SOX5: variants seen among roughly 807,000 people sequenced by gnomAD.
SOX5 encodes transcription factor SOX-5.
Under a neutral mutation model 92.0 loss-of-function variants are expected in SOX5, and 9 were observed. The ratio of observed to expected loss-of-function variants is 0.10; its 90% CI spans 0.06 to 0.17. The LOEUF is 0.17. Among genes scored for constraint, SOX5 ranks in the 10% least tolerant of loss-of-function variants. SOX5 has a pLI of 1.00. For synonymous variants in SOX5, 344 were observed against 336.3 expected (o/e 1.02, Z -0.25); for missense variants, 642 against 944.5 (o/e 0.68, Z 4.20).
At chr12:24,285,811 G>A (rs1462947712) in intron 2 of SOX5, among the ~76,000 whole-genome samples, 1 of 151,954 alleles carries the variant, frequency 6.6e-6, no homozygotes, top group Non-Finnish European at 1.5e-5. Context: ...AAAAATTATG[G>A]GATGATGAAT....
rs2090130057 is a variant in SOX5 at position 23,698,086 on chromosome 12, G to A, written c.811-32522C>T. ...CAGTACAACTGTTAAACTTATCACA[G>A]TCTACTGCAAATGATGTTATAACTT... On this transcript the variant is annotated intron_variant, in intron 6 of 14. Coordinates refer to ENST00000451604, the MANE Select transcript of SOX5 (RefSeq NM_006940.6). 1.3e-5 allele frequency among the ~76,000 whole-genome samples: 2 copies of A among 152,050 alleles called. 1 individual carries two copies. Among genetic ancestry groups the A allele is most frequent in the African/African-American group, 4.8e-5 (2 of 41,380 alleles).
rs190455585 is a variant in SOX5 at position 23,604,245 on chromosome 12, C to T, written c.1164+142G>A. 1.4e-5 allele frequency: 10 copies of T among 717,880 alleles called. No individual in the cohort carries two copies. In the Admixed American group the frequency reaches 1.8e-4, roughly 13 times the overall value. The allele number at this position is 717,880 out of a possible 1,614,324, so 44.5% of individuals were successfully genotyped here. On this transcript the variant is annotated intron_variant, in intron 9 of 14. Coordinates refer to ENST00000451604, the MANE Select transcript of SOX5 (RefSeq NM_006940.6). Reference sequence around the variant, plus strand: ...ATGTATGCAGATAAGTTGACATGCACACCTGTTGCCCTTACTTGATTCTTA... The same window carrying T: ...ATGTATGCAGATAAGTTGACATGCATACCTGTTGCCCTTACTTGATTCTTA...
chr12:23,539,085 G>A (rs1941327467), intron 13 of SOX5, among the ~76,000 whole-genome samples: 1 of 151,924 alleles, frequency 6.6e-6, no homozygotes, highest in Non-Finnish European at 1.5e-5. Flanking sequence ...GATTACAGGT[G>A]TGAGCCACCA....
At chr12:23,716,294 A>G (rs953272150) in intron 6 of SOX5, among the ~76,000 whole-genome samples, 2 of 152,174 alleles carry the variant, frequency 1.3e-5, no homozygotes, top group African/African-American at 4.8e-5. Flanking sequence ...AGGAAAAGAA[A>G]AAAAGAGAAC....
At chr12:24,377,038 G>A (rs1596068450) in intron 1 of SOX5, among the ~76,000 whole-genome samples, 2 of 151,984 alleles carry the variant, frequency 1.3e-5, no homozygotes, top group African/African-American at 4.8e-5. Flanking sequence ...TGCCCTAAAC[G>A]TCTATCTTTG....
chr12:24,189,848 G>A (rs1460473458), intron 4 of SOX5, among the ~76,000 whole-genome samples: 3 of 152,118 alleles, frequency 2.0e-5, no homozygotes, highest in Non-Finnish European at 4.4e-5. Flanking sequence ...CAAATATGAG[G>A]ACATATTGAG....
chr12:23,599,422 C>T (rs1331335144), intron 9 of SOX5, among the ~76,000 whole-genome samples: 6 of 152,186 alleles, frequency 3.9e-5, no homozygotes, highest in Admixed American at 2.0e-4. Flanking sequence ...AAAATTGATT[C>T]GGACAATCTG....
chr12:24,000,227 G>A (rs912744321), intron 4 of SOX5, among the ~76,000 whole-genome samples: 6 of 151,440 alleles, frequency 4.0e-5, no homozygotes, highest in South Asian at 2.1e-4. Flanking sequence ...TGGTAACTTC[G>A]ATCCGCAGAA....
intron 3 of SOX5, among the ~76,000 whole-genome samples, chr12:23,844,215 G>A (rs1407744104): frequency 1.3e-5 from 2 of 152,278 alleles, no homozygotes; most frequent in South Asian, 2.1e-4. Flanking sequence ...GCTCCCTGCC[G>A]CTGCCCAGCA....
At chr12:24,179,197 T>G (rs1365288754) in intron 4 of SOX5, among the ~76,000 whole-genome samples, 1 of 152,202 alleles carries the variant, frequency 6.6e-6, no homozygotes, top group Non-Finnish European at 1.5e-5. Flanking sequence ...ATTCGAACAG[T>G]ATCTAGAAAA....
chr12:24,215,320 G>A (rs1474764539), intron 3 of SOX5, among the ~76,000 whole-genome samples: 1 of 152,088 alleles, frequency 6.6e-6, no homozygotes, highest in African/African-American at 2.4e-5. Flanking sequence ...ATCGCTATTT[G>A]TAGATAACGT....
intron 1 of SOX5, among the ~76,000 whole-genome samples, chr12:23,924,987 C>T (rs1038455826): frequency 1.3e-5 from 2 of 151,932 alleles, no homozygotes; most frequent in Admixed American, 6.6e-5. Context: ...GCCAAATCCC[C>T]CTCTACGAGA....
chr12:23,543,487 G>A (rs1942512686), intron 12 of SOX5, 103 bp from the exon 13 acceptor site: 2 of 845,264 alleles, frequency 2.4e-6, no homozygotes, highest in Non-Finnish European at 1.8e-6. Context: ...AAAAGAAAAA[G>A]TACTTCTGAT....
chr12:23,993,744 C>A (rs961926958), intron 4 of SOX5, among the ~76,000 whole-genome samples: 1 of 152,142 alleles, frequency 6.6e-6, no homozygotes, highest in African/African-American at 2.4e-5. Flanking sequence ...ATGTTTCTGG[C>A]TGGCTGGAGT....
intron 6 of SOX5, among the ~76,000 whole-genome samples, chr12:23,683,977 A>C (rs2087082759): frequency 6.6e-6 from 1 of 152,028 alleles, no homozygotes. Flanking sequence ...GGGGAAAGAC[A>C]GATGTCGAGA....
intron 4 of SOX5, among the ~76,000 whole-genome samples, chr12:24,051,606 A>T (rs1030942161): frequency 6.6e-6 from 1 of 152,198 alleles, no homozygotes; most frequent in African/African-American, 2.4e-5. Flanking sequence ...AAAATCCACA[A>T]GAAAATTGTT....
chr12:24,479,220 G>T (rs1036596435), intron 1 of SOX5, among the ~76,000 whole-genome samples: 1 of 151,926 alleles, frequency 6.6e-6, no homozygotes, highest in Non-Finnish European at 1.5e-5. Context: ...CAACTCCCTG[G>T]TAACTCCGAC....
At chr12:23,716,441 T>C (rs926774274) in intron 6 of SOX5, among the ~76,000 whole-genome samples, 84 of 152,326 alleles carry the variant, frequency 5.5e-4, no homozygotes, top group African/African-American at 1.9e-3. Context: ...TCAAGCAAAC[T>C]CTTTTAGACA....
At chr12:24,520,850 T>A (rs1412580890) in intron 1 of SOX5, among the ~76,000 whole-genome samples, 2 of 152,170 alleles carry the variant, frequency 1.3e-5, no homozygotes, top group Admixed American at 1.3e-4. Context: ...CTATACTTTA[T>A]CAGACAAAAA....
Sources: allele counts gnomAD v4.1 joint callset (sites outside exome capture counted in the v4.1 genomes callset), GRCh38; gene constraint gnomAD v4.1.1; transcripts MANE v1.5; gene names NCBI Gene and HGNC (gene_info 2026-07-23, HGNC 2026-07-21).